The following CDH12 variants were observed in gnomAD, a reference collection of about 807,000 sequenced individuals.
The protein encoded by CDH12 is cadherin-12.
CDH12 carries 41 observed loss-of-function variants against 74.1 expected under a neutral mutation model. The ratio of observed to expected loss-of-function variants is 0.55; its 90% confidence interval spans 0.43 to 0.72. The LOEUF is 0.72. Among genes scored for constraint, CDH12 ranks in the 30% least tolerant of loss-of-function variants. CDH12 has a pLI of 0.00. For synonymous variants in CDH12, 399 were observed against 355.0 expected (o/e 1.12, Z -1.39); for missense variants, 945 against 977.2 (o/e 0.97, Z 0.44).
chr5:22,421,808 T>C (rs1211534453), intron 2 of CDH12, among the ~76,000 whole-genome samples: 1 of 152,196 alleles, frequency 6.6e-6, no homozygotes, highest in Non-Finnish European at 1.5e-5. Flanking sequence ...CCACCGACAG[T>C]GTAAAAGCAT....
At chr5:22,804,533 C>G (rs1010750028) in intron 1 of CDH12, among the ~76,000 whole-genome samples, 2 of 152,150 alleles carry the variant, frequency 1.3e-5, no homozygotes, top group Non-Finnish European at 2.9e-5. Context: ...TTCAATGAAT[C>G]GATCAGGCTG....
chr5:22,766,379 A>G (rs1746516010), intron 1 of CDH12, among the ~76,000 whole-genome samples: 1 of 152,096 alleles, frequency 6.6e-6, no homozygotes, highest in African/African-American at 2.4e-5. Context: ...TAAGTACCTC[A>G]ATATAAACAA....
intron 2 of CDH12, among the ~76,000 whole-genome samples, chr5:22,468,441 C>T (rs974480558): frequency 6.6e-6 from 1 of 152,038 alleles, no homozygotes; most frequent in Admixed American, 6.6e-5. Flanking sequence ...ACAAAAATGC[C>T]TCATTTGGCA....
intron 3 of CDH12, among the ~76,000 whole-genome samples, chr5:22,261,903 T>G: frequency 6.6e-6 from 1 of 151,900 alleles, no homozygotes; most frequent in East Asian, 1.9e-4. Flanking sequence ...AAACCCAATC[T>G]CAGTTTTTTA....
intron 3 of CDH12, among the ~76,000 whole-genome samples, chr5:22,370,254 C>T (rs963961108): frequency 6.6e-6 from 1 of 152,122 alleles, no homozygotes; most frequent in Admixed American, 6.5e-5. Flanking sequence ...CTTGCTTTAA[C>T]ATATTCCCAC....
chr5:21,984,163 G>C (rs1458127342), intron 5 of CDH12, among the ~76,000 whole-genome samples: 1 of 152,058 alleles, frequency 6.6e-6, no homozygotes, highest in Non-Finnish European at 1.5e-5. Context: ...TGTATTTATT[G>C]ATCAGAGTTT....
chr5:22,617,697 T>A (rs1274623626), intron 1 of CDH12, among the ~76,000 whole-genome samples: 1 of 152,140 alleles, frequency 6.6e-6, no homozygotes, highest in African/African-American at 2.4e-5. Flanking sequence ...GGTACCTGAT[T>A]CTGCTCTTGT....
chr5:22,510,405 G>C (rs1044983921), intron 1 of CDH12, among the ~76,000 whole-genome samples: 1 of 152,146 alleles, frequency 6.6e-6, no homozygotes, highest in Non-Finnish European at 1.5e-5. Flanking sequence ...TATTGGCATA[G>C]AGTCTAAATG....
intron 5 of CDH12, among the ~76,000 whole-genome samples, chr5:22,019,145 C>T (rs188717109): frequency 6.6e-6 from 1 of 152,174 alleles, no homozygotes; most frequent in East Asian, 1.9e-4. Flanking sequence ...ACATCTTTCC[C>T]TCCCTTTCTC....
intron 1 of CDH12, among the ~76,000 whole-genome samples, chr5:22,532,350 G>GATAGATAT (rs1737621551): frequency 3.6e-5 from 1 of 27,576 alleles, no homozygotes; most frequent in Admixed American, 3.3e-4. Context: ...ATATAAATAG[G>GATAGATAT]ATATATATAT....
chr5:22,166,591 T>C (rs1748695524), intron 4 of CDH12, among the ~76,000 whole-genome samples: 1 of 152,364 alleles, frequency 6.6e-6, no homozygotes, highest in Non-Finnish European at 1.5e-5. Flanking sequence ...ATTTTTACTA[T>C]AATGCACTGC....
At chr5:22,019,049 G>A (rs1197367867) in intron 5 of CDH12, among the ~76,000 whole-genome samples, 1 of 126,822 alleles carries the variant, frequency 7.9e-6, no homozygotes, top group African/African-American at 3.1e-5. Flanking sequence ...AACAGAGCAA[G>A]ACTGTGTCTC....
intron 4 of CDH12, among the ~76,000 whole-genome samples, chr5:22,181,519 T>C (rs1487098796): frequency 2.6e-5 from 4 of 152,210 alleles, no homozygotes; most frequent in Non-Finnish European, 4.4e-5. Context: ...AGAGTTGTAT[T>C]GCTATTTTGT....
intron 3 of CDH12, among the ~76,000 whole-genome samples, chr5:22,289,111 T>A (rs1018861922): frequency 4.6e-5 from 7 of 152,010 alleles, no homozygotes; most frequent in African/African-American, 1.7e-4. Context: ...GATAAAGGAA[T>A]AAAGAAAGGG....
chr5:22,597,398 A>G, intron 1 of CDH12, among the ~76,000 whole-genome samples: 1 of 152,180 alleles, frequency 6.6e-6, no homozygotes, highest in East Asian at 1.9e-4. Flanking sequence ...TTTGTGCTTT[A>G]ATAGGTCAGG....
chr5:21,898,473 C>A (rs944061451), intron 6 of CDH12, among the ~76,000 whole-genome samples: 1 of 151,924 alleles, frequency 6.6e-6, no homozygotes, highest in Non-Finnish European at 1.5e-5. Flanking sequence ...GAGGCTGAGG[C>A]GGGCGGATCA....
At chr5:22,086,840 G>A (rs183117378) in intron 4 of CDH12, among the ~76,000 whole-genome samples, 10 of 152,164 alleles carry the variant, frequency 6.6e-5, no homozygotes, top group Admixed American at 3.9e-4. Context: ...AAAAGAAATC[G>A]ATCACATCTT....
chr5:22,317,116 G>A (rs1304155155), intron 3 of CDH12, among the ~76,000 whole-genome samples: 1 of 152,022 alleles, frequency 6.6e-6, no homozygotes, highest in Non-Finnish European at 1.5e-5. Context: ...TCAGGAGTTC[G>A]AGACCAGCCT....
In CDH12 at chr5:22,335,412, C is replaced by T. The variant is rs564919784; in HGVS notation, c.-333+69845G>A. Among the ~76,000 whole-genome samples the T allele has an allele frequency of 2.6e-3, 401 of 151,990 alleles. 2 individuals carry two copies. The highest frequency in any genetic ancestry group is 9.4e-3 in the African/African-American group (391 of 41,460). On this transcript the variant is annotated intron_variant, in intron 3 of 14. Coordinates refer to ENST00000382254, the MANE Select transcript of CDH12 (RefSeq NM_004061.5). ...CATCCTGGCTAAGATTGTGAAACAC[C>T]GTCTCTACTAAAAATACAAAGAATT... is the stretch of plus-strand genomic sequence containing the variant.
Sources: gnomAD v4.1 joint callset for allele counts (sites outside exome capture counted in the v4.1 genomes callset) on GRCh38, gnomAD v4.1.1 for gene constraint, MANE v1.5 for transcripts, NCBI Gene and HGNC (gene_info 2026-07-23, HGNC 2026-07-21) for gene names.